CADPS: variants seen among roughly 807,000 people sequenced by gnomAD.
CADPS encodes the protein calcium dependent secretion activator.
A neutral mutation model predicts 167.3 loss-of-function variants in CADPS; 57 were observed. The ratio of observed to expected loss-of-function variants is 0.34; its 90% CI spans 0.28 to 0.42. The LOEUF (loss-of-function observed/expected upper bound fraction) is 0.42. CADPS is among the 20% of genes least tolerant of loss of function. CADPS has a pLI of 1.00. For synonymous variants in CADPS, 676 were observed against 635.3 expected (o/e 1.06, Z -0.96); for missense variants, 1,414 against 1,738.1 (o/e 0.81, Z 3.32).
At chr3:62,586,498 A>C (rs544768855) in intron 7 of CADPS, among the ~76,000 whole-genome samples, 92 of 152,232 alleles carry the variant, frequency 6.0e-4, no homozygotes, top group Non-Finnish European at 9.7e-4. Flanking sequence ...GAGGAGGAGG[A>C]GGCCATGGCA....
At chr3:62,605,405 C>T (rs1474078325) in intron 6 of CADPS, among the ~76,000 whole-genome samples, 1 of 152,222 alleles carries the variant, frequency 6.6e-6, no homozygotes, top group Non-Finnish European at 1.5e-5. Context: ...CATCTAACAG[C>T]TTTATGATCT....
intron 1 of CADPS, among the ~76,000 whole-genome samples, chr3:62,850,399 T>C: frequency 1.2e-5 from 1 of 83,888 alleles, no homozygotes; most frequent in African/African-American, 4.5e-5. Flanking sequence ...CTGCTTTCTC[T>C]TGTGGGCATT....
chr3:62,516,063 G>T lies in CADPS; in HGVS notation c.2577C>A (p.Ile859=). The part of the protein sequence containing the change: ...NYSRLSEYAK[I]EENQKDAENV... ...GGGGGCAGAAGGGAGCCTTACCTTC[G>T]ATTTTGGCATACTCTGAGAGCCGAG... is the stretch of plus-strand genomic sequence containing the variant. Residue 859 remains isoleucine, a synonymous_variant, in exon 16 of 30, where the codon ATC becomes ATA. Transcript: ENST00000383710. 1 of 1,612,946 alleles carries T rather than the reference G, an allele frequency of 6.2e-7. No homozygotes were observed. Among genetic ancestry groups the T allele is most frequent in the South Asian group, 1.1e-5 (1 of 90,998 alleles).
intron 1 of CADPS, among the ~76,000 whole-genome samples, chr3:62,829,644 C>T (rs1428511790): frequency 6.6e-6 from 1 of 152,106 alleles, no homozygotes; most frequent in East Asian, 1.9e-4. Flanking sequence ...ATTCACCCTA[C>T]CCACCAATGA....
chr3:62,422,827 G>T (rs766692457), intron 28 of CADPS, among the ~76,000 whole-genome samples: 36 of 152,188 alleles, frequency 2.4e-4, no homozygotes, highest in Admixed American at 6.5e-5. Context: ...TAGGTTAAAA[G>T]AGTCAACAGT....
chr3:62,684,103 G>C (rs1229934322), intron 3 of CADPS, among the ~76,000 whole-genome samples: 2 of 151,948 alleles, frequency 1.3e-5, no homozygotes, highest in Admixed American at 6.6e-5. Flanking sequence ...CCACGTCTTT[G>C]GGGTGTATCT....
chr3:62,788,467 A>T (rs546577143), intron 1 of CADPS, among the ~76,000 whole-genome samples: 1 of 152,256 alleles, frequency 6.6e-6, no homozygotes, highest in South Asian at 2.1e-4. Flanking sequence ...CTTAAACAAG[A>T]TCGTAAATAA....
intron 1 of CADPS, among the ~76,000 whole-genome samples, chr3:62,812,887 A>C (rs1027200831): frequency 1.3e-5 from 2 of 152,158 alleles, no homozygotes; most frequent in African/African-American, 4.8e-5. Flanking sequence ...TTTCTGGTGG[A>C]AATTAAATGA....
chr3:62,865,580 G>T (rs1210336654), intron 1 of CADPS, among the ~76,000 whole-genome samples: 2 of 151,984 alleles, frequency 1.3e-5, no homozygotes, highest in East Asian at 3.9e-4. Context: ...GAACACTTGA[G>T]GGCTTGATAA....
intron 1 of CADPS, among the ~76,000 whole-genome samples, chr3:62,846,439 G>A (rs779524416): frequency 6.6e-6 from 1 of 152,146 alleles, no homozygotes; most frequent in African/African-American, 2.4e-5. Context: ...CTTGCAAATG[G>A]TAATATTCCA....
At chr3:62,575,146 A>T (rs1327158383) in intron 8 of CADPS, among the ~76,000 whole-genome samples, 3 of 152,252 alleles carry the variant, frequency 2.0e-5, no homozygotes, top group Non-Finnish European at 4.4e-5. Flanking sequence ...TATAGCTACA[A>T]TATCTATTGT....
intron 6 of CADPS, among the ~76,000 whole-genome samples, chr3:62,628,765 C>A (rs568758823): frequency 6.6e-6 from 1 of 151,640 alleles, no homozygotes; most frequent in East Asian, 1.9e-4. Flanking sequence ...TAGCTGGGAC[C>A]ACAGGTGCCC....
intron 1 of CADPS, among the ~76,000 whole-genome samples, chr3:62,855,718 G>A (rs995994274): frequency 1.2e-4 from 18 of 152,030 alleles, no homozygotes; most frequent in African/African-American, 4.3e-4. Context: ...TGGGGGTATA[G>A]GATTTCAACT....
At chr3:62,447,461 G>T (rs191094700) in intron 26 of CADPS, among the ~76,000 whole-genome samples, 1 of 152,030 alleles carries the variant, frequency 6.6e-6, no homozygotes, top group Non-Finnish European at 1.5e-5. Flanking sequence ...TTTGTGCAAT[G>T]TCTACCTCCC....
At chr3:62,675,049 C>T (rs1209804620) in intron 3 of CADPS, among the ~76,000 whole-genome samples, 1 of 152,058 alleles carries the variant, frequency 6.6e-6, no homozygotes, top group Non-Finnish European at 1.5e-5. Context: ...TTATTTCTTG[C>T]TTACTCTACT....
intron 3 of CADPS, among the ~76,000 whole-genome samples, chr3:62,748,216 G>A (rs566675980): frequency 6.8e-6 from 1 of 147,342 alleles, no homozygotes; most frequent in East Asian, 2.0e-4. Flanking sequence ...CATGGTGGCA[G>A]GCACCTGTAG....
rs115743819 is a variant in CADPS at position 62,784,972 on chromosome 3, C to T, written c.442-18988G>A. Among the ~76,000 whole-genome samples the T allele has an allele frequency of 5.6e-3, 857 of 152,022 alleles. 5 individuals carry two copies. The highest frequency in any genetic ancestry group is 0.019 in the African/African-American group (794 of 41,468). On this transcript the variant is annotated intron_variant, in intron 1 of 29. Transcript: ENST00000383710. ...TAGGGTTTCAGGTGTAATAATGGTA[C>T]GGTGGGTTATGTTTGAAAAACAGAT...
chr3:62,774,228 A>G (rs2089703222), intron 1 of CADPS, among the ~76,000 whole-genome samples: 1 of 152,208 alleles, frequency 6.6e-6, no homozygotes, highest in South Asian at 2.1e-4. Context: ...TCCGGCCACA[A>G]AGCTCTTAAA....
At chr3:62,452,133 G>T (rs564374000) in intron 26 of CADPS, among the ~76,000 whole-genome samples, 1 of 152,308 alleles carries the variant, frequency 6.6e-6, no homozygotes, top group South Asian at 2.1e-4. Context: ...CTTACAGTAG[G>T]TGTTTGAGCT....
Sources: gnomAD v4.1 joint callset for allele counts (sites outside exome capture counted in the v4.1 genomes callset) on GRCh38, gnomAD v4.1.1 for gene constraint, MANE v1.5 for transcripts, NCBI Gene and HGNC (gene_info 2026-07-23, HGNC 2026-07-21) for gene names.